The following SLC24A3 variants were observed in gnomAD, a reference collection of about 807,000 sequenced individuals.
The protein encoded by SLC24A3 is sodium/potassium/calcium exchanger 3.
A neutral mutation model predicts 75.8 loss-of-function variants in SLC24A3; 28 were observed. That is an observed-to-expected ratio of 0.37 (90% CI 0.27 to 0.51). The LOEUF (loss-of-function observed/expected upper bound fraction) is 0.51, where lower values mean the gene tolerates loss of function less well. Among genes scored for constraint, SLC24A3 ranks in the 20% least tolerant of loss-of-function variants. The pLI is 0.94. For missense variants in SLC24A3, 663 were observed against 847.8 expected (o/e 0.78, Z 2.71); for synonymous variants, 372 against 334.1 (o/e 1.11, Z -1.24).
chr20:19,237,908 G>A (rs1026971918), intron 1 of SLC24A3, among the ~76,000 whole-genome samples: 13 of 152,186 alleles, frequency 8.5e-5, no homozygotes, highest in African/African-American at 3.1e-4. Context: ...TTTTACGGGT[G>A]CCTGAGCGGC....
At chr20:19,475,945 C>T (rs1259243424) in intron 2 of SLC24A3, among the ~76,000 whole-genome samples, 1 of 152,178 alleles carries the variant, frequency 6.6e-6, no homozygotes, top group Non-Finnish European at 1.5e-5. Context: ...CCAGAACTGA[C>T]ATTAGGACTT....
Position 19,304,971 on chromosome 20 carries a change from G to A in SLC24A3, c.271+23884G>A, listed in dbSNP as rs564017805. Among the ~76,000 whole-genome samples, 18 of 152,190 alleles carry A rather than the reference G, an allele frequency of 1.2e-4. 2 individuals are homozygous for A. In the South Asian group the frequency reaches 3.7e-3, roughly 32 times the overall value. Reference sequence around the variant, plus strand: ...CCTTTTTGAATGCAAAGTAACAGTTGTGTTCTAAATTTAACTTTTCCTGTT... The same window carrying A: ...CCTTTTTGAATGCAAAGTAACAGTTATGTTCTAAATTTAACTTTTCCTGTT... On this transcript the variant is annotated intron_variant, in intron 2 of 16. Transcript: ENST00000328041.
chr20:19,367,921 A>G (rs969718678), intron 2 of SLC24A3, among the ~76,000 whole-genome samples: 1 of 152,232 alleles, frequency 6.6e-6, no homozygotes, highest in Non-Finnish European at 1.5e-5. Context: ...AACAGACTCC[A>G]TGTTTTCTGC....
intron 2 of SLC24A3, among the ~76,000 whole-genome samples, chr20:19,355,508 G>C (rs1985663484): frequency 1.3e-5 from 2 of 152,108 alleles, no homozygotes; most frequent in South Asian, 2.1e-4. Flanking sequence ...CCTCTACCTG[G>C]AGCTGTAGGA....
chr20:19,632,955 T>C (rs553786107), intron 6 of SLC24A3, among the ~76,000 whole-genome samples: 2 of 152,376 alleles, frequency 1.3e-5, no homozygotes, highest in South Asian at 2.1e-4. Context: ...TACGGACAAC[T>C]TTCCATTTTA....
At chr20:19,585,726 A>C (rs1299237235) in intron 6 of SLC24A3, among the ~76,000 whole-genome samples, 182 bp downstream of exon 6, 1 of 152,174 alleles carries the variant, frequency 6.6e-6, no homozygotes, top group Non-Finnish European at 1.5e-5. Context: ...GAAACTGGTA[A>C]TCCACCATTA....
intron 2 of SLC24A3, among the ~76,000 whole-genome samples, chr20:19,456,895 A>G (rs6081600): frequency 0.42 from 63,163 of 152,116 alleles, 16,102 homozygotes; most frequent in Non-Finnish European, 0.57. Flanking sequence ...TACAGTGTAC[A>G]GTGTGTTCAC....
intron 6 of SLC24A3, among the ~76,000 whole-genome samples, chr20:19,598,633 G>A (rs1229486941): frequency 2.6e-5 from 4 of 152,088 alleles, no homozygotes; most frequent in Admixed American, 1.3e-4. Flanking sequence ...CTGCAGTTGG[G>A]GCATGGAAAA....
chr20:19,434,334 G>T (rs1248475019), intron 2 of SLC24A3, among the ~76,000 whole-genome samples: 1 of 152,206 alleles, frequency 6.6e-6, no homozygotes, highest in Non-Finnish European at 1.5e-5. Flanking sequence ...TCTCTAGAGA[G>T]AAGCAGGCAG....
chr20:19,358,702 G>T (rs1047588980), intron 2 of SLC24A3, among the ~76,000 whole-genome samples: 1 of 152,124 alleles, frequency 6.6e-6, no homozygotes, highest in Non-Finnish European at 1.5e-5. Flanking sequence ...GTACATTCAC[G>T]TTGCTGTACA....
intron 2 of SLC24A3, among the ~76,000 whole-genome samples, chr20:19,431,943 G>C (rs1259567850): frequency 6.6e-6 from 1 of 151,720 alleles, no homozygotes; most frequent in African/African-American, 2.4e-5. Context: ...CATTGCAAAG[G>C]GTTATAGAAT....
intron 2 of SLC24A3, among the ~76,000 whole-genome samples, chr20:19,312,236 T>C: frequency 6.6e-6 from 1 of 152,194 alleles, no homozygotes. Flanking sequence ...AGTGAAGGGC[T>C]TCATTCTTGC....
chr20:19,610,600 C>T (rs115227648), intron 6 of SLC24A3, among the ~76,000 whole-genome samples: 126 of 152,226 alleles, frequency 8.3e-4, no homozygotes, highest in African/African-American at 2.9e-3. Flanking sequence ...GGATAGGATC[C>T]TAGGAAACAC....
Position 19,720,974 on chromosome 20 carries a change from T to C in SLC24A3, c.1786-17T>C. 1 of 1,612,852 alleles carries C rather than the reference T, an allele frequency of 6.2e-7. No individual in the cohort carries two copies. The highest frequency in any genetic ancestry group is 8.5e-7 in the Non-Finnish European group (1 of 1,179,692). On this transcript the variant is annotated splice_polypyrimidine_tract_variant and intron_variant, in intron 16 of 16. Coordinates refer to ENST00000328041, the MANE Select transcript of SLC24A3 (RefSeq NM_020689.4). Reference sequence around the variant, plus strand: ...GCCTCCTCCTGGTGCCCTCTGAACCTGTTCTGTGCCCTGCAGGTGTTCGGC... The same window carrying C: ...GCCTCCTCCTGGTGCCCTCTGAACCCGTTCTGTGCCCTGCAGGTGTTCGGC...
intron 6 of SLC24A3, among the ~76,000 whole-genome samples, chr20:19,641,969 A>G (rs2122698572): frequency 6.6e-6 from 1 of 152,362 alleles, no homozygotes; most frequent in South Asian, 2.1e-4. Context: ...TGCACTCTGC[A>G]GTAAGTCAGA....
At chr20:19,349,137 C>T (rs1985506207) in intron 2 of SLC24A3, among the ~76,000 whole-genome samples, 1 of 152,114 alleles carries the variant, frequency 6.6e-6, no homozygotes, top group East Asian at 1.9e-4. Context: ...TTCCAAGATA[C>T]AATTTCTAAA....
chr20:19,646,270 T>C (rs1329044813), intron 6 of SLC24A3, among the ~76,000 whole-genome samples: 2 of 152,206 alleles, frequency 1.3e-5, no homozygotes, highest in South Asian at 2.1e-4. Flanking sequence ...AAATACAGTA[T>C]ATCACATTAA....
intron 3 of SLC24A3, among the ~76,000 whole-genome samples, chr20:19,540,162 G>A (rs114648528): frequency 0.017 from 2,600 of 152,248 alleles, 75 homozygotes; most frequent in African/African-American, 0.057. Flanking sequence ...AAAGTACTCA[G>A]CATACCAAGG....
At chr20:19,235,568 T>TC (rs1474684971) in intron 1 of SLC24A3, among the ~76,000 whole-genome samples, 2 of 152,162 alleles carry the variant, frequency 1.3e-5, no homozygotes, top group African/African-American at 4.8e-5. Context: ...ACAGCGTCTC[T>TC]CCCATGGCTC....
Sources: allele counts gnomAD v4.1 joint callset (sites outside exome capture counted in the v4.1 genomes callset), GRCh38; gene constraint gnomAD v4.1.1; transcripts MANE v1.5; gene names NCBI Gene and HGNC (gene_info 2026-07-23, HGNC 2026-07-21).